The following ZNF536 variants were observed in gnomAD, a reference collection of about 807,000 sequenced individuals.
ZNF536 encodes the protein zinc finger protein 536.
In ZNF536, 13 loss-of-function variants were observed where a neutral mutation model predicts 84.5. The ratio of observed to expected loss-of-function variants is 0.15; its 90% CI spans 0.10 to 0.24. ZNF536 has a LOEUF of 0.24. Among genes scored for constraint, ZNF536 ranks in the 10% least tolerant of loss-of-function variants. The probability of loss-of-function intolerance (pLI) is 1.00; values close to 1 mark genes in which losing one functional copy is unlikely to be tolerated. For missense variants in ZNF536, 1,536 were observed against 1,747.5 expected (o/e 0.88, Z 2.16); for synonymous variants, 811 against 742.5 (o/e 1.09, Z -1.50).
At chr19:30,700,881 G>A (rs961209275) in intron 1 of ZNF536, among the ~76,000 whole-genome samples, 3 of 152,268 alleles carry the variant, frequency 2.0e-5, no homozygotes, top group Non-Finnish European at 2.9e-5. Context: ...TTCAGGCGGC[G>A]CTGGTTGTGC....
intron 1 of ZNF536, among the ~76,000 whole-genome samples, chr19:30,567,101 C>A (rs930847873): frequency 6.6e-6 from 1 of 152,326 alleles, no homozygotes; most frequent in Middle Eastern, 3.4e-3. Context: ...CCTCACCTTG[C>A]GGGTGCTTTT....
chr19:30,394,409 C>T (rs193292866), intron 1 of ZNF536, among the ~76,000 whole-genome samples: 18 of 152,186 alleles, frequency 1.2e-4, no homozygotes, highest in African/African-American at 4.3e-4. Flanking sequence ...TTTGCAAATG[C>T]TCATTTCCCT....
intron 2 of ZNF536, among the ~76,000 whole-genome samples, chr19:30,337,961 A>T (rs925311659): frequency 2.0e-5 from 3 of 151,728 alleles, no homozygotes; most frequent in East Asian, 3.9e-4. Flanking sequence ...GGTGATCGTG[A>T]TGGTGATGAT....
chr19:30,627,468 CAAAAAAAAAAAAAAAAA>C (rs569312789), intron 1 of ZNF536, among the ~76,000 whole-genome samples: 9 of 52,050 alleles, frequency 1.7e-4, no homozygotes, highest in African/African-American at 2.8e-4. Flanking sequence ...AAGGCCCTGT[CAAAAAAAAAAAAAAAAA>C]AAAAAAAAAA....
chr19:30,581,940 T>TAAAACAAAACA (rs1555804325), intron 1 of ZNF536, among the ~76,000 whole-genome samples: 2 of 151,904 alleles, frequency 1.3e-5, no homozygotes, highest in Non-Finnish European at 1.5e-5. Flanking sequence ...CTCCTCTGTG[T>TAAAACAAAACA]AAAACAAAAC....
In ZNF536 at chr19:30,393,235, G is replaced by A. The variant is rs373746675; in HGVS notation, c.-3+20679G>A. ...TTTAATGCGGTAGGATGGGGTTGGG[G>A]GCGGGGGAGAGGAAATGAGAACTAC... On this transcript the variant is annotated intron_variant, in intron 1 of 4. Coordinates refer to ENST00000355537, the MANE Select transcript of ZNF536 (RefSeq NM_014717.3). Among the ~76,000 whole-genome samples, 236 of 152,276 alleles carry A rather than the reference G, an allele frequency of 1.5e-3. 11 individuals carry two copies. The South Asian group carries it at 0.048, about 31-fold the overall frequency.
chr19:30,321,949 G>GT (rs1311795272), intron 2 of ZNF536, among the ~76,000 whole-genome samples: 1 of 151,780 alleles, frequency 6.6e-6, no homozygotes, highest in Non-Finnish European at 1.5e-5. Context: ...GCTAATTTTT[G>GT]TATTTTCATT....
chr19:30,273,921 A>G (rs1600005028), intron 1 of ZNF536, among the ~76,000 whole-genome samples: 2 of 152,240 alleles, frequency 1.3e-5, no homozygotes, highest in East Asian at 3.8e-4. Context: ...ATGTGCAAGA[A>G]TGGAAAGAAA....
rs879451927 is a variant in ZNF536, at chr19:30,633,995, CT to C, written c.170-76761del. 3.3e-5 allele frequency among the ~76,000 whole-genome samples: 5 copies of C among 152,240 alleles called. No homozygotes were observed. In the South Asian group the frequency reaches 8.3e-4, roughly 25 times the overall value. ...TGCTATTTCCCTCATGAAACATTGC[CT>C]GTACTAAGCATGTGCCTGAAGTGAC... On this transcript the variant is annotated intron_variant, in intron 1 of 1. Coordinates refer to the ZNF536 transcript ENST00000592773.
chr19:30,346,978 C>T (rs2047764311), intron 2 of ZNF536, among the ~76,000 whole-genome samples: 1 of 152,182 alleles, frequency 6.6e-6, no homozygotes, highest in East Asian at 1.9e-4. Flanking sequence ...TGTAAGCATT[C>T]CTTTTTCTCC....
intron 2 of ZNF536, among the ~76,000 whole-genome samples, chr19:30,511,520 C>T (rs79950537): frequency 8.5e-4 from 129 of 152,164 alleles, no homozygotes; most frequent in African/African-American, 2.9e-3. Context: ...AGGAATGGAA[C>T]GAATTCAAGC....
At chr19:30,539,703 C>A (rs2045251528) in intron 3 of ZNF536, among the ~76,000 whole-genome samples, 1 of 152,146 alleles carries the variant, frequency 6.6e-6, no homozygotes, top group South Asian at 2.1e-4. Flanking sequence ...AAGCCAGGTG[C>A]CTGGGGGTAC....
At chr19:30,236,603 C>T (rs1192782898) in intron 1 of ZNF536, among the ~76,000 whole-genome samples, 1 of 151,718 alleles carries the variant, frequency 6.6e-6, no homozygotes, top group East Asian at 1.9e-4. Flanking sequence ...GAAGTACAGA[C>T]AAGATAACAT....
intron 3 of ZNF536, among the ~76,000 whole-genome samples, chr19:30,364,668 A>G (rs1429795224): frequency 6.6e-6 from 1 of 152,238 alleles, no homozygotes; most frequent in Non-Finnish European, 1.5e-5. Context: ...TCCAGCCTGC[A>G]CAGGGTGCAT....
In ZNF536 at chr19:30,444,959, T is replaced by A; in HGVS notation, c.1397T>A (p.Leu466Gln). 6.2e-7 allele frequency: 1 copy of A among 1,611,608 alleles called. No individual in the cohort carries two copies. Among genetic ancestry groups the A allele is most frequent in the Non-Finnish European group, 8.5e-7 (1 of 1,178,990 alleles). ...GELPMKEKEA[L>Q]GKLLSPISSM... is the part of the protein sequence containing the mutation. The stretch of plus-strand genomic sequence containing the variant: ...CTGCCCATGAAGGAGAAGGAAGCGC[T>A]GGGGAAGCTGCTGTCTCCCATCTCC... The change falls in exon 2 of 5, where the codon CTG (leucine) becomes CAG (glutamine). Residue 466 changes from leucine (L) to glutamine (Q), a missense_variant. Around this residue, in one of 8 missense-constraint regions of ZNF536, gnomAD observed 366 missense variants for 364.4 expected, o/e 1.00. Coordinates refer to ENST00000355537, the MANE Select transcript of ZNF536 (RefSeq NM_014717.3).
chr19:30,658,863 C>A (rs1427405556), intron 1 of ZNF536, among the ~76,000 whole-genome samples: 2 of 152,166 alleles, frequency 1.3e-5, no homozygotes, highest in Non-Finnish European at 2.9e-5. Context: ...TTCTTGAATG[C>A]GTACATAAGA....
intron 1 of ZNF536, among the ~76,000 whole-genome samples, chr19:30,657,190 C>CT (rs2147522218): frequency 6.6e-6 from 1 of 152,308 alleles, no homozygotes; most frequent in Non-Finnish European, 1.5e-5. Flanking sequence ...TCAGATGCAT[C>CT]TAACAGACTG....
chr19:30,522,829 G>C (rs1017684331), intron 2 of ZNF536, among the ~76,000 whole-genome samples: 3 of 151,922 alleles, frequency 2.0e-5, no homozygotes, highest in African/African-American at 7.3e-5. Flanking sequence ...TTTTAATATG[G>C]TTCTAAATAT....
chr19:30,302,932 T>C (rs1227672560), intron 2 of ZNF536, among the ~76,000 whole-genome samples: 1 of 152,186 alleles, frequency 6.6e-6, no homozygotes, highest in African/African-American at 2.4e-5. Context: ...TTTTACCCCC[T>C]GCTGAACTAT....
Sources: gnomAD v4.1 joint callset for allele counts (sites outside exome capture counted in the v4.1 genomes callset) on GRCh38, gnomAD v4.1.1 for gene constraint, gnomAD v4.1.1 regional missense constraint, MANE v1.5 for transcripts, NCBI Gene and HGNC (gene_info 2026-07-23, HGNC 2026-07-21) for gene names.